WDR41: variants seen among roughly 807,000 people sequenced by gnomAD.
WDR41 encodes WD repeat-containing protein 41.
Under a neutral mutation model 69.3 loss-of-function variants are expected in WDR41, and 63 were observed. That is an observed-to-expected ratio of 0.91 (90% CI 0.74 to 1.12). The LOEUF is 1.12. WDR41 is among the 50% of genes most tolerant of loss of function. WDR41 has a pLI of 0.00. For missense variants in WDR41, 543 were observed against 534.5 expected, an observed-to-expected ratio of 1.02 and a Z score of -0.16; for synonymous variants, 185 against 192.1, an observed-to-expected ratio of 0.96 and a Z score of 0.31.
intron 1 of WDR41, among the ~76,000 whole-genome samples, chr5:77,586,795 T>C (rs1210192773): frequency 6.6e-6 from 1 of 150,554 alleles, no homozygotes; most frequent in African/African-American, 2.5e-5. Flanking sequence ...CTTGGCTCAC[T>C]GCAACCTCCG....
chr5:77,433,386 A>G (rs987131290), intron 12 of WDR41, 99 bp from the exon 13 acceptor site: 3 of 1,040,530 alleles, frequency 2.9e-6, no homozygotes, highest in Non-Finnish European at 4.0e-6. Context: ...TGCCTTAAAG[A>G]CTCCTTTGGA....
At chr5:77,619,444 T>A (rs1275649675) in intron 1 of WDR41, among the ~76,000 whole-genome samples, 2 of 152,162 alleles carry the variant, frequency 1.3e-5, no homozygotes, top group East Asian at 3.9e-4. Flanking sequence ...GGGCAGACTT[T>A]CCTGTATTAC....
At chr5:77,597,977 T>C (rs1287313895) in intron 1 of WDR41, among the ~76,000 whole-genome samples, 1 of 152,176 alleles carries the variant, frequency 6.6e-6, no homozygotes, top group East Asian at 1.9e-4. Context: ...TCCCAGCAAT[T>C]ACCACTGAAA....
chr5:77,555,967 T>C, intron 1 of WDR41, among the ~76,000 whole-genome samples: 1 of 151,824 alleles, frequency 6.6e-6, no homozygotes, highest in East Asian at 1.9e-4. Flanking sequence ...AGGTGTTTTA[T>C]AAAGCTGGAG....
chr5:77,537,306 G>A (rs1445520666), intron 1 of WDR41, among the ~76,000 whole-genome samples: 1 of 152,166 alleles, frequency 6.6e-6, no homozygotes, highest in Non-Finnish European at 1.5e-5. Context: ...GAAGGAACAA[G>A]TTTTTACTCA....
intron 1 of WDR41, chr5:77,546,264 T>C (rs574240235): frequency 8.5e-4 from 302 of 354,984 alleles, no homozygotes; most frequent in Non-Finnish European, 1.3e-3. Flanking sequence ...GGCTACAACA[T>C]AGAGTTTTTA....
intron 12 of WDR41, among the ~76,000 whole-genome samples, chr5:77,434,426 T>C (rs1798858785): frequency 6.6e-6 from 1 of 151,916 alleles, no homozygotes; most frequent in South Asian, 2.1e-4. Context: ...CAGAATTCCT[T>C]CGGAAACTGG....
intron 1 of WDR41, among the ~76,000 whole-genome samples, chr5:77,551,149 C>T (rs1332026859): frequency 6.6e-6 from 1 of 152,132 alleles, no homozygotes; most frequent in Non-Finnish European, 1.5e-5. Context: ...CCCGAAACCT[C>T]AGCATCATGC....
At chr5:77,585,697 A>G (rs1043446978) in intron 1 of WDR41, among the ~76,000 whole-genome samples, 3 of 152,218 alleles carry the variant, frequency 2.0e-5, no homozygotes, top group Admixed American at 2.0e-4. Context: ...ATTGGAGACT[A>G]TTATTCTAAG....
chr5:77,494,228 C>T (rs1259553879), upstream of WDR41, among the ~76,000 whole-genome samples: 1 of 151,492 alleles, frequency 6.6e-6, no homozygotes, highest in East Asian at 1.9e-4. Context: ...AAGCTAAATA[C>T]AAAAGATGGC....
At chr5:77,560,846 A>G (rs1743510634) in intron 1 of WDR41, among the ~76,000 whole-genome samples, 1 of 152,142 alleles carries the variant, frequency 6.6e-6, no homozygotes, top group Non-Finnish European at 1.5e-5. Context: ...TGGATTTGAT[A>G]GGGTTCACCA....
intron 2 of WDR41, among the ~76,000 whole-genome samples, chr5:77,487,501 G>A (rs1344097774): frequency 6.6e-6 from 1 of 152,196 alleles, no homozygotes; most frequent in Non-Finnish European, 1.5e-5. Context: ...AAACAGTGAT[G>A]ACAGGCCAGT....
intron 1 of WDR41, among the ~76,000 whole-genome samples, chr5:77,525,160 G>A (rs1479468714): frequency 6.6e-6 from 1 of 152,202 alleles, no homozygotes; most frequent in Non-Finnish European, 1.5e-5. Flanking sequence ...TAAGACAACA[G>A]AGAAAGTGAG....
chr5:77,615,972 G>A (rs1260115697), intron 1 of WDR41, among the ~76,000 whole-genome samples: 1 of 151,738 alleles, frequency 6.6e-6, no homozygotes, highest in Non-Finnish European at 1.5e-5. Context: ...CAGCCTGGGA[G>A]ACAGAGTGAG....
chr5:77,565,841 T>C (rs528470946), intron 1 of WDR41, among the ~76,000 whole-genome samples: 1 of 152,316 alleles, frequency 6.6e-6, no homozygotes, highest in East Asian at 1.9e-4. Context: ...AGTGTAAATG[T>C]CATGAAAAGA....
intron 2 of WDR41, among the ~76,000 whole-genome samples, chr5:77,469,093 G>C (rs912926350): frequency 3.9e-5 from 6 of 152,138 alleles, no homozygotes; most frequent in Non-Finnish European, 7.4e-5. Flanking sequence ...CCTTTGTAGG[G>C]ACATGGATGA....
At chr5:77,465,972 C>A (rs920912452) in intron 2 of WDR41, among the ~76,000 whole-genome samples, 1 of 151,966 alleles carries the variant, frequency 6.6e-6, no homozygotes, top group Non-Finnish European at 1.5e-5. Context: ...CTGGCTCAGA[C>A]AATTCCAATA....
chr5:77,616,408 T>C (rs1013144343), intron 1 of WDR41, among the ~76,000 whole-genome samples: 4 of 152,204 alleles, frequency 2.6e-5, no homozygotes, highest in Non-Finnish European at 5.9e-5. Flanking sequence ...TTATAATTAA[T>C]GTAGCAGCAC....
intron 1 of WDR41, among the ~76,000 whole-genome samples, chr5:77,514,356 C>G (rs1276806524): frequency 6.6e-6 from 1 of 152,148 alleles, no homozygotes; most frequent in African/African-American, 2.4e-5. Context: ...TTCTTTAAGT[C>G]TTAGTGCAAA....
Sources: allele counts gnomAD v4.1 joint callset (sites outside exome capture counted in the v4.1 genomes callset), GRCh38; gene constraint gnomAD v4.1.1; transcripts MANE v1.5; gene names NCBI Gene and HGNC (gene_info 2026-07-23, HGNC 2026-07-21).